Variants in SLX4IP observed in about 807,000 individuals in gnomAD.
SLX4IP encodes the protein SLX4 interacting protein, also known as protein SLX4IP.
Under a neutral mutation model 32.9 loss-of-function variants are expected in SLX4IP, and 34 were observed. That is an observed-to-expected ratio of 1.03 (90% CI 0.79 to 1.38). The LOEUF (loss-of-function observed/expected upper bound fraction) is 1.38. Ranked by LOEUF, SLX4IP falls within the 40% of genes most tolerant of loss-of-function variation. SLX4IP has a pLI of 0.00. For missense variants in SLX4IP, 444 were observed against 479.0 expected, an observed-to-expected ratio of 0.93 and a Z score of 0.68; for synonymous variants, 172 against 171.7, an observed-to-expected ratio of 1.00 and a Z score of -0.01.
intron 3 of SLX4IP, among the ~76,000 whole-genome samples, chr20:10,558,868 C>T (rs2066299610): frequency 6.6e-6 from 1 of 152,174 alleles, no homozygotes; most frequent in African/African-American, 2.4e-5. Context: ...TGGTCGGTTA[C>T]TGGTGTCTAT....
intron 2 of SLX4IP, among the ~76,000 whole-genome samples, chr20:10,484,813 A>G (rs1370696089): frequency 6.6e-6 from 1 of 152,170 alleles, no homozygotes; most frequent in East Asian, 1.9e-4. Flanking sequence ...CAAGTATTCA[A>G]ATTGTCCATA....
chr20:10,590,138 C>T (rs1283644912), intron 4 of SLX4IP, among the ~76,000 whole-genome samples: 2 of 152,000 alleles, frequency 1.3e-5, no homozygotes, highest in South Asian at 4.1e-4. Flanking sequence ...CAATTCACAT[C>T]TTTATGATGG....
At chr20:10,536,467 G>A (rs186162942) in intron 2 of SLX4IP, among the ~76,000 whole-genome samples, 13 of 152,196 alleles carry the variant, frequency 8.5e-5, no homozygotes, top group Admixed American at 3.3e-4. Context: ...TCTCTCAGTC[G>A]CCTGTTAGTT....
intron 4 of SLX4IP, among the ~76,000 whole-genome samples, chr20:10,577,663 G>A (rs375920124): frequency 1.3e-5 from 2 of 152,220 alleles, no homozygotes; most frequent in Admixed American, 6.5e-5. Context: ...CGAGGCTGCC[G>A]TGATCTATGA....
chr20:10,446,429 A>G (rs2122324334), intron 1 of SLX4IP, among the ~76,000 whole-genome samples: 1 of 139,408 alleles, frequency 7.2e-6, no homozygotes, highest in East Asian at 2.0e-4. Flanking sequence ...AAAAAAAAAA[A>G]AAAGTTACTA....
At chr20:10,477,173 T>G (rs968447822) in intron 2 of SLX4IP, among the ~76,000 whole-genome samples, 1 of 152,070 alleles carries the variant, frequency 6.6e-6, no homozygotes, top group Non-Finnish European at 1.5e-5. Flanking sequence ...GAATTCTCTT[T>G]TTTTTTTGAG....
intron 6 of SLX4IP, among the ~76,000 whole-genome samples, chr20:10,610,981 GCT>G (rs1244616623): frequency 1.3e-5 from 2 of 152,188 alleles, no homozygotes; most frequent in Non-Finnish European, 2.9e-5. Flanking sequence ...TGTCATTCAT[GCT>G]CTGTTTGCAC....
rs139617022 is a variant in SLX4IP, at chr20:10,622,937, G to A, written c.785G>A (p.Arg262Gln). 9.3e-6 allele frequency: 15 copies of A among 1,613,994 alleles called. No individual in the cohort carries two copies. The highest frequency in any genetic ancestry group is 1.0e-5 in the Non-Finnish European group (12 of 1,180,030). The part of the protein sequence containing the change: ...SGQQKPHPGE[R>Q]LKTGLLSRSP... ...CAGCAAAAACCTCATCCTGGGGAGC[G>A]GTTAAAGACAGGGCTTCTAAGCAGG... is the stretch of plus-strand genomic sequence containing the variant. Residue 262 changes from arginine to glutamine, a missense_variant, in exon 8 of 8, where the codon CGG (arginine) becomes CAG (glutamine). Coordinates refer to ENST00000334534, the MANE Select transcript of SLX4IP (RefSeq NM_001009608.3).
intron 2 of SLX4IP, among the ~76,000 whole-genome samples, chr20:10,503,659 A>G (rs1447222489): frequency 6.6e-6 from 1 of 152,186 alleles, no homozygotes; most frequent in Non-Finnish European, 1.5e-5. Flanking sequence ...GTGGCTTTAA[A>G]CAATAGATAT....
intron 2 of SLX4IP, among the ~76,000 whole-genome samples, chr20:10,542,151 C>T (rs967066749): frequency 6.6e-6 from 1 of 152,206 alleles, no homozygotes; most frequent in African/African-American, 2.4e-5. Flanking sequence ...CACAGGGAGA[C>T]CAGTGGCCTA....
intron 6 of SLX4IP, among the ~76,000 whole-genome samples, chr20:10,615,128 T>C (rs2067011441): frequency 6.6e-6 from 1 of 152,182 alleles, no homozygotes; most frequent in South Asian, 2.1e-4. Context: ...ACATTCTGTT[T>C]CTCCTGGAGA....
At chr20:10,613,331 A>C in intron 6 of SLX4IP, 1 of 899,666 alleles carries the variant, frequency 1.1e-6, no homozygotes, top group South Asian at 1.5e-5. Flanking sequence ...CTGGAAAGAC[A>C]CCTTTTCTCA....
At chr20:10,460,900 C>T (rs2065331876) in intron 2 of SLX4IP, among the ~76,000 whole-genome samples, 1 of 152,160 alleles carries the variant, frequency 6.6e-6, no homozygotes, top group Admixed American at 6.5e-5. Context: ...TGTCTTTGCT[C>T]TTCTATAGTT....
chr20:10,477,338 A>G (rs188131028), intron 2 of SLX4IP, among the ~76,000 whole-genome samples: 177 of 152,014 alleles, frequency 1.2e-3, no homozygotes, highest in Middle Eastern at 6.8e-3. Context: ...TAGAGACGGG[A>G]TTTCACCATG....
chr20:10,546,954 G>T (rs989957479), intron 2 of SLX4IP, among the ~76,000 whole-genome samples: 1 of 152,336 alleles, frequency 6.6e-6, no homozygotes, highest in Middle Eastern at 3.4e-3. Flanking sequence ...TCTTCATGCA[G>T]TGATGGCTTT....
At position 10,458,169 on chromosome 20, in the gene SLX4IP, C is replaced by A; in HGVS notation, c.-29-7C>A. On this transcript the variant is annotated splice_region_variant and splice_polypyrimidine_tract_variant and intron_variant, in intron 1 of 7. Transcript: ENST00000334534. ...ATACCTAATTGTAACTTTTTTTTTTCTTAAAGGTCTGTAGTTACTGTGGAA... is the reference window on the plus strand; with the variant it reads ...ATACCTAATTGTAACTTTTTTTTTTATTAAAGGTCTGTAGTTACTGTGGAA... 2 of 1,508,504 alleles carry A rather than the reference C, an allele frequency of 1.3e-6. No individual in the cohort carries two copies. The highest frequency in any genetic ancestry group is 2.4e-5 in the Admixed American group (1 of 41,320). 93.4% of individuals were successfully genotyped at this position (1,508,504 alleles called of 1,614,324 possible).
chr20:10,550,207 A>G (rs567525303), intron 2 of SLX4IP, among the ~76,000 whole-genome samples: 1 of 152,100 alleles, frequency 6.6e-6, no homozygotes, highest in Non-Finnish European at 1.5e-5. Flanking sequence ...GTTTCATCTT[A>G]TGTTTTTACC....
chr20:10,452,664 C>CAAA (rs71332999), intron 1 of SLX4IP, among the ~76,000 whole-genome samples: 112 of 117,918 alleles, frequency 9.5e-4, no homozygotes, highest in Admixed American at 1.7e-3. Flanking sequence ...GAAACTGTCT[C>CAAA]AAAAAAAAAA....
intron 2 of SLX4IP, among the ~76,000 whole-genome samples, chr20:10,544,087 T>C (rs1187698218): frequency 2.0e-5 from 3 of 152,190 alleles, no homozygotes; most frequent in African/African-American, 4.8e-5. Flanking sequence ...CGAGCCAGGC[T>C]CTGGTGCCCT....
Sources: allele counts gnomAD v4.1 joint callset (sites outside exome capture counted in the v4.1 genomes callset), GRCh38; gene constraint gnomAD v4.1.1; transcripts MANE v1.5; gene names NCBI Gene and HGNC (gene_info 2026-07-23, HGNC 2026-07-21).